The following TNRC6B variants were observed in gnomAD, a reference collection of about 807,000 sequenced individuals.
TNRC6B encodes trinucleotide repeat containing adaptor 6B, also known as trinucleotide repeat-containing gene 6B protein.
In TNRC6B, 52 loss-of-function variants were observed where a neutral mutation model predicts 203.6. The observed-to-expected ratio is 0.26, with a 90% CI of 0.20 to 0.32. TNRC6B has a LOEUF of 0.32. Ranked by LOEUF, TNRC6B falls within the 10% of genes least tolerant of loss-of-function variation. The pLI is 1.00. For missense variants in TNRC6B, 1,923 were observed against 2,286.2 expected (o/e 0.84, Z 3.24); for synonymous variants, 838 against 845.7 (o/e 0.99, Z 0.16).
chr22:40,250,208 T>A (rs1226662155), intron 2 of TNRC6B, among the ~76,000 whole-genome samples: 3 of 152,282 alleles, frequency 2.0e-5, no homozygotes, highest in Non-Finnish European at 2.9e-5. Context: ...CTCAAAAATT[T>A]AGTGTAACCA....
At chr22:40,308,221 A>G (rs1225663729) in intron 15 of TNRC6B, among the ~76,000 whole-genome samples, 1 of 152,198 alleles carries the variant, frequency 6.6e-6, no homozygotes, top group East Asian at 1.9e-4. Context: ...GGCTGGCCCC[A>G]GCCTCCTGTC....
chr22:40,299,012 T>G (rs2070984227), intron 12 of TNRC6B, among the ~76,000 whole-genome samples: 1 of 150,844 alleles, frequency 6.6e-6, no homozygotes, highest in Non-Finnish European at 1.5e-5. Context: ...CGGTGGCTCA[T>G]ACTTGTAATC....
In TNRC6B at chr22:40,324,236, G is replaced by A. The variant is rs966460446; in HGVS notation, c.*995G>A. Reference sequence around the variant, plus strand: ...TAGCAGTAGAGTGGAGCACTGCCAAGTCCAAAAAACTAGAGCAGGAGGTAC... The same window carrying A: ...TAGCAGTAGAGTGGAGCACTGCCAAATCCAAAAAACTAGAGCAGGAGGTAC... On this transcript the variant is annotated 3_prime_UTR_variant, in exon 23 of 23. Transcript: ENST00000454349. 6.6e-6 allele frequency: 1 copy of A among 151,572 alleles called. No individual in the cohort carries two copies. The highest frequency in any genetic ancestry group is 2.4e-5 in the African/African-American group (1 of 41,128). The allele number at this position is 151,572 out of a possible 1,614,324, so 9.4% of individuals were successfully genotyped here.
chr22:40,236,466 T>C (rs1288971937), intron 1 of TNRC6B, among the ~76,000 whole-genome samples: 1 of 152,218 alleles, frequency 6.6e-6, no homozygotes, highest in Non-Finnish European at 1.5e-5. Flanking sequence ...TCTTTTACAG[T>C]ATTAGTTTAC....
intron 1 of TNRC6B, among the ~76,000 whole-genome samples, chr22:40,059,342 G>A (rs2067828275): frequency 6.6e-6 from 1 of 152,106 alleles, no homozygotes; most frequent in African/African-American, 2.4e-5. Flanking sequence ...TTTGCTAATT[G>A]CATTCATTAG....
At chr22:40,121,346 A>G (rs1195743628) in intron 2 of TNRC6B, among the ~76,000 whole-genome samples, 1 of 152,048 alleles carries the variant, frequency 6.6e-6, no homozygotes, top group African/African-American at 2.4e-5. Context: ...GAAAAACTTC[A>G]CTGGTTTTGT....
intron 4 of TNRC6B, among the ~76,000 whole-genome samples, chr22:40,163,741 A>G (rs1426608433): frequency 2.0e-5 from 3 of 152,120 alleles, no homozygotes; most frequent in Non-Finnish European, 4.4e-5. Flanking sequence ...AGCCTGGGCA[A>G]CAAGAGCGAA....
intron 1 of TNRC6B, among the ~76,000 whole-genome samples, chr22:40,065,438 A>T (rs1403347316): frequency 6.6e-6 from 1 of 151,902 alleles, no homozygotes; most frequent in Non-Finnish European, 1.5e-5. Flanking sequence ...CTCTCCTGGC[A>T]CTGGGGTTTG....
intron 16 of TNRC6B, among the ~76,000 whole-genome samples, chr22:40,309,856 A>G (rs894031685): frequency 6.6e-6 from 1 of 152,186 alleles, no homozygotes; most frequent in Non-Finnish European, 1.5e-5. Flanking sequence ...GTGGCTCCAG[A>G]AAAGTAAATG....
At chr22:40,284,490 T>G (rs1301327576) in intron 11 of TNRC6B, among the ~76,000 whole-genome samples, 2 of 152,224 alleles carry the variant, frequency 1.3e-5, no homozygotes, top group African/African-American at 4.8e-5. Flanking sequence ...CTGTCTTTGC[T>G]GAAGGTATTC....
chr22:40,261,256 G>A lies in TNRC6B; in HGVS notation c.116-576G>A, dbSNP rs373760606. Among the ~76,000 whole-genome samples the A allele has an allele frequency of 3.9e-5, 6 of 152,044 alleles. No individual in the cohort carries two copies. In the East Asian group the frequency reaches 5.8e-4, roughly 15 times the overall value. On this transcript the variant is annotated intron_variant, in intron 3 of 22. Transcript: ENST00000454349. ...AGCCAAGATCACTGCACTCCAGCCC[G>A]AGTTATACAGCAAGACCTCATCTCA... is the stretch of plus-strand genomic sequence containing the variant.
intron 3 of TNRC6B, among the ~76,000 whole-genome samples, chr22:40,144,013 T>C (rs1164113150): frequency 1.3e-5 from 2 of 152,200 alleles, no homozygotes; most frequent in African/African-American, 2.4e-5. Context: ...AAAACTGTAA[T>C]GTAATGCCAT....
At chr22:40,054,873 C>CAAA (rs536397622) in intron 1 of TNRC6B, among the ~76,000 whole-genome samples, 1 of 134,220 alleles carries the variant, frequency 7.5e-6, no homozygotes, top group Non-Finnish European at 1.6e-5. Context: ...CCCATCTCTA[C>CAAA]AAAAAAAAAA....
At chr22:40,177,818 C>T, upstream of TNRC6B, 2 of 1,301,974 alleles carry the variant, frequency 1.5e-6, no homozygotes, top group Non-Finnish European at 1.9e-6. Flanking sequence ...GCTGCTTCCC[C>T]TTTAAGGCAG....
intron 20 of TNRC6B, 150 bp downstream of exon 20, chr22:40,315,657 T>A (rs1170945171): frequency 7.2e-6 from 3 of 415,698 alleles, no homozygotes; most frequent in African/African-American, 3.1e-5. Context: ...ACCTCTTGAG[T>A]GAGTGAAAGT....
intron 1 of TNRC6B, among the ~76,000 whole-genome samples, chr22:40,241,821 C>T (rs541365448): frequency 6.6e-6 from 1 of 152,290 alleles, no homozygotes; most frequent in African/African-American, 2.4e-5. Flanking sequence ...TTATTTCTCT[C>T]TGTATGAACT....
chr22:40,125,228 T>C (rs1375158353), intron 2 of TNRC6B, among the ~76,000 whole-genome samples: 1 of 152,154 alleles, frequency 6.6e-6, no homozygotes, highest in Admixed American at 6.6e-5. Flanking sequence ...TGACATTTAG[T>C]TTATTAAGCA....
rs777385828 is a variant in TNRC6B, at chr22:40,264,901, C to T, written c.671C>T (p.Pro224Leu). 2 of 1,613,972 alleles carry T rather than the reference C, an allele frequency of 1.2e-6. No homozygotes were observed. The highest frequency in any genetic ancestry group is 1.7e-5 in the Admixed American group (1 of 60,026). ...ACCGATAACAACAGTGCCTCGAACC[C>T]TGGCTCTGAGAAGAGCACTCTGCCA... ...NTTDNNSASN[P>L]GSEKSTLPGS... Residue 224 changes from proline to leucine, a missense_variant, in exon 5 of 23, where the codon CCT becomes CTT. Physicochemically the swap from Pro to Leu is moderately conservative, Grantham distance 98. Transcript: ENST00000454349.
In TNRC6B at chr22:40,299,162, A is replaced by G. The variant is rs549202188; in HGVS notation, c.3709-1293A>G. On this transcript the variant is annotated intron_variant, in intron 12 of 22. Coordinates refer to ENST00000454349, the MANE Select transcript of TNRC6B (RefSeq NM_001162501.2). ...CCTGTCTCAAAAAAAAAAAAACAAA[A>G]AAAAAAAAAAAACAAAACTGGGGAG... Among the ~76,000 whole-genome samples, 3 of 151,322 alleles carry G rather than the reference A, an allele frequency of 2.0e-5. No homozygotes were observed. The East Asian group carries it at 5.8e-4, about 29-fold the overall frequency.
Sources: allele counts gnomAD v4.1 joint callset (sites outside exome capture counted in the v4.1 genomes callset), GRCh38; gene constraint gnomAD v4.1.1; transcripts MANE v1.5; gene names NCBI Gene and HGNC (gene_info 2026-07-23, HGNC 2026-07-21).